Variants in TSHZ3 observed in about 807,000 individuals in gnomAD.
TSHZ3 encodes the protein teashirt homolog 3.
A neutral mutation model predicts 64.5 loss-of-function variants in TSHZ3; 10 were observed. The observed-to-expected ratio is 0.16, with a 90% CI of 0.10 to 0.26. The LOEUF (loss-of-function observed/expected upper bound fraction) is 0.26. Among genes scored for constraint, TSHZ3 ranks in the 10% least tolerant of loss-of-function variants. TSHZ3 has a pLI of 1.00. For missense variants in TSHZ3, 1,242 were observed against 1,421.7 expected, an observed-to-expected ratio of 0.87 and a Z score of 2.03; for synonymous variants, 608 against 593.1, an observed-to-expected ratio of 1.03 and a Z score of -0.36.
chr19:31,225,414 C>T (rs1047026471), intron 4 of TSHZ3, among the ~76,000 whole-genome samples: 1 of 152,220 alleles, frequency 6.6e-6, no homozygotes, highest in Admixed American at 6.5e-5. Context: ...CAGCCTGTCA[C>T]ATTGCCCAAC....
At chr19:31,243,403 G>A (rs1245203825) in intron 1 of TSHZ3, among the ~76,000 whole-genome samples, 1 of 152,166 alleles carries the variant, frequency 6.6e-6, no homozygotes, top group East Asian at 1.9e-4. Flanking sequence ...AAGTCTGTGG[G>A]ATTTTTGCCA....
chr19:31,329,224 A>G (rs547751821), intron 1 of TSHZ3, among the ~76,000 whole-genome samples: 15 of 152,376 alleles, frequency 9.8e-5, no homozygotes, highest in African/African-American at 3.4e-4. Context: ...CTGCTTTGTC[A>G]ACCCTAATTG....
intron 1 of TSHZ3, among the ~76,000 whole-genome samples, chr19:31,245,533 T>C (rs1463609762): frequency 1.3e-5 from 2 of 152,220 alleles, no homozygotes; most frequent in Non-Finnish European, 1.5e-5. Context: ...CGCAGAAGGT[T>C]CTTCTGCCTG....
At chr19:31,344,214 A>T (rs1202455571) in intron 1 of TSHZ3, among the ~76,000 whole-genome samples, 1 of 152,072 alleles carries the variant, frequency 6.6e-6, no homozygotes, top group Admixed American at 6.6e-5. Context: ...CAGAGTGAAC[A>T]CCTGCAAGGG....
At chr19:31,243,182 C>T (rs1420106675) in intron 1 of TSHZ3, among the ~76,000 whole-genome samples, 1 of 152,228 alleles carries the variant, frequency 6.6e-6, no homozygotes, top group Non-Finnish European at 1.5e-5. Context: ...GCTATAACTA[C>T]TGACTGTTTA....
At chr19:31,203,066 G>A (rs1217386151) in intron 5 of TSHZ3, among the ~76,000 whole-genome samples, 1 of 151,988 alleles carries the variant, frequency 6.6e-6, no homozygotes, top group Admixed American at 6.5e-5. Context: ...AAAAAAAAAA[G>A]ACTAGGCAGG....
At position 31,278,972 on chromosome 19, in the gene TSHZ3, A is replaced by T; in HGVS notation, c.821T>A (p.Val274Glu). ...EMEGKEDAQKVLKCMYCGHSF... is the reference protein window; with the variant it reads ...EMEGKEDAQKELKCMYCGHSF... ...GTGGCCACAGTACATGCACTTCAGC[A>T]CCTTCTGGGCGTCTTCCTTCCCTTC... The change falls in exon 2 of 2, where the codon GTG (valine) becomes GAG (glutamate). Residue 274 changes from valine to glutamate, a missense_variant. By Grantham distance (121) the Val-to-Glu change is moderately radical. Transcript: ENST00000240587. This position sits in a 1 kb window ranked among gnomAD's most constrained non-coding sequence, Gnocchi z 4.7. 6.2e-7 allele frequency: 1 copy of T among 1,614,100 alleles called. No homozygotes were observed. Among genetic ancestry groups the T allele is most frequent in the Non-Finnish European group, 8.5e-7 (1 of 1,179,990 alleles).
downstream of TSHZ3, among the ~76,000 whole-genome samples, chr19:31,272,054 A>G (rs980863926): frequency 6.6e-6 from 1 of 152,164 alleles, no homozygotes; most frequent in Non-Finnish European, 1.5e-5. Context: ...TGAGAAAAAA[A>G]ATCATTGGAT....
chr19:31,270,612 G>A (rs1353644705), downstream of TSHZ3, among the ~76,000 whole-genome samples: 1 of 152,182 alleles, frequency 6.6e-6, no homozygotes, highest in Non-Finnish European at 1.5e-5. Flanking sequence ...ACTGTACCTG[G>A]CCTTCCAAAG....
At chr19:31,224,337 T>C (rs1221564926) in intron 4 of TSHZ3, among the ~76,000 whole-genome samples, 1 of 152,222 alleles carries the variant, frequency 6.6e-6, no homozygotes, top group African/African-American at 2.4e-5. Flanking sequence ...GTGCTTTGTT[T>C]ATCCAAACCA....
chr19:31,151,657 G>A (rs1433339762), exon 7 of TSHZ3, among the ~76,000 whole-genome samples: 1 of 152,150 alleles, frequency 6.6e-6, no homozygotes, highest in South Asian at 2.1e-4. Context: ...GTGATTGGAT[G>A]GTTCAGGAAG....
intron 5 of TSHZ3, among the ~76,000 whole-genome samples, chr19:31,187,993 T>C (rs1974840267): frequency 6.6e-6 from 1 of 152,084 alleles, no homozygotes. Context: ...GTGAGTTAAA[T>C]TTCGGAGATA....
At chr19:31,272,705 T>C (rs1310428665), downstream of TSHZ3, among the ~76,000 whole-genome samples, 1 of 152,344 alleles carries the variant, frequency 6.6e-6, no homozygotes, top group South Asian at 2.1e-4. Context: ...TCATCTTGCA[T>C]GTAGCCCTGA....
intron 1 of TSHZ3, among the ~76,000 whole-genome samples, chr19:31,302,451 C>T (rs1186768505): frequency 6.6e-6 from 1 of 152,186 alleles, no homozygotes. Context: ...CCCAAGGAAT[C>T]CAGTACTTGT....
At chr19:31,340,639 T>C (rs1190784862) in intron 1 of TSHZ3, among the ~76,000 whole-genome samples, 2 of 152,114 alleles carry the variant, frequency 1.3e-5, no homozygotes, top group African/African-American at 4.8e-5. Context: ...CGGGCCCTGA[T>C]TACTGGGGCC....
intron 1 of TSHZ3, among the ~76,000 whole-genome samples, chr19:31,256,645 A>G (rs562436307): frequency 6.6e-6 from 1 of 152,338 alleles, no homozygotes; most frequent in East Asian, 1.9e-4. Context: ...GTTATCTACC[A>G]TGTGCCAGGC....
chr19:31,324,689 C>T (rs2145172355), intron 1 of TSHZ3, among the ~76,000 whole-genome samples: 1 of 152,348 alleles, frequency 6.6e-6, no homozygotes, highest in Middle Eastern at 3.4e-3. Context: ...GTCTCCACTA[C>T]CATTGCTTCT....
intron 5 of TSHZ3, among the ~76,000 whole-genome samples, chr19:31,160,496 G>A (rs950355587): frequency 6.6e-6 from 1 of 152,128 alleles, no homozygotes; most frequent in Non-Finnish European, 1.5e-5. Context: ...CCCTCCAAAT[G>A]GGTATTTGAG....
intron 4 of TSHZ3, among the ~76,000 whole-genome samples, chr19:31,222,917 T>C (rs1360306401): frequency 1.3e-5 from 2 of 152,174 alleles, no homozygotes; most frequent in African/African-American, 2.4e-5. Context: ...ATGTCAATAA[T>C]ACCCATGTGG....
Sources: gnomAD v4.1 joint callset for allele counts (sites outside exome capture counted in the v4.1 genomes callset) on GRCh38, gnomAD v4.1.1 for gene constraint, Gnocchi (gnomAD v3.1) non-coding constraint, MANE v1.5 for transcripts, NCBI Gene and HGNC (gene_info 2026-07-23, HGNC 2026-07-21) for gene names.